The following MYO5A variants were observed in gnomAD, a reference collection of about 807,000 sequenced individuals.
The protein encoded by MYO5A is myosin VA, also known as unconventional myosin-Va.
Under a neutral mutation model 249.7 loss-of-function variants are expected in MYO5A, and 98 were observed. The observed-to-expected ratio is 0.39, with a 90% CI of 0.33 to 0.46. The LOEUF (loss-of-function observed/expected upper bound fraction) is 0.46, where lower values mean the gene tolerates loss of function less well. Among genes scored for constraint, MYO5A ranks in the 20% least tolerant of loss-of-function variants. The pLI is 0.98. For missense variants in MYO5A, 1,696 were observed against 2,308.8 expected, an observed-to-expected ratio of 0.73 and a Z score of 5.44; for synonymous variants, 778 against 810.6, an observed-to-expected ratio of 0.96 and a Z score of 0.68.
In MYO5A at chr15:52,448,957, C is replaced by CTTTTTTTTTTTTTTT. The variant is rs145765339; in HGVS notation, c.28-15687_28-15673dup. Reference sequence around the variant, plus strand: ...TTTTTTTTTTTCTTTTCTTGTCTTTCTTTTTTTTTTTTTTTTTTTTTTTTT... The same window carrying CTTTTTTTTTTTTTTT: ...TTTTTTTTTTTCTTTTCTTGTCTTTCTTTTTTTTTTTTTTTTTTTTTTTTTTTTTTTTTTTTTTTT... On this transcript the variant is annotated intron_variant, in intron 1 of 41. Transcript: ENST00000399233. Among the ~76,000 whole-genome samples, 50 of 55,582 alleles carry CTTTTTTTTTTTTTTT rather than the reference C, an allele frequency of 9.0e-4. 3 individuals carry two copies. Among genetic ancestry groups the CTTTTTTTTTTTTTTT allele is most frequent in the East Asian group, 3.6e-3 (6 of 1,648 alleles). 36.5% of individuals were successfully genotyped at this position (55,582 alleles called of 152,430 possible).
chr15:52,483,123 C>A (rs2076748283), intron 1 of MYO5A, among the ~76,000 whole-genome samples: 1 of 152,174 alleles, frequency 6.6e-6, no homozygotes, highest in South Asian at 2.1e-4. Flanking sequence ...GGGGTCAGAA[C>A]TGTCAATGTG....
At chr15:52,483,394 G>A (rs2076753740) in intron 1 of MYO5A, among the ~76,000 whole-genome samples, 1 of 152,052 alleles carries the variant, frequency 6.6e-6, no homozygotes, top group Non-Finnish European at 1.5e-5. Context: ...CCCTTTGAAG[G>A]GACCGTGAGT....
intron 3 of MYO5A, among the ~76,000 whole-genome samples, chr15:52,426,737 G>T (rs141524785): frequency 1.3e-5 from 2 of 152,216 alleles, no homozygotes; most frequent in Admixed American, 1.3e-4. Context: ...TGGGATTACA[G>T]GGTAAGCCAC....
chr15:52,314,253 C>CT, intron 40 of MYO5A, 50 bp from the exon 41 acceptor site: 1 of 1,288,190 alleles, frequency 7.8e-7, no homozygotes, highest in Non-Finnish European at 1.1e-6. Flanking sequence ...CAAATACACA[C>CT]TGGGTACCTA....
Position 52,321,460 on chromosome 15 carries a change from T to A in MYO5A, c.4850A>T (p.Asn1617Ile). 6.2e-7 allele frequency: 1 copy of A among 1,614,182 alleles called. No individual in the cohort carries two copies. Among genetic ancestry groups the A allele is most frequent in the Non-Finnish European group, 8.5e-7 (1 of 1,180,030 alleles). ...TSRQNEHCLT[N>I]FDLAEYRQVL... Reference sequence around the variant, plus strand: ...CTGCCGATACTCAGCCAGGTCAAAATTGGTGAGGCAGTGTTCATTCTGGCG... The same window carrying A: ...CTGCCGATACTCAGCCAGGTCAAAAATGGTGAGGCAGTGTTCATTCTGGCG... The change falls in exon 38 of 42, where the codon AAT becomes ATT. Residue 1617 changes from asparagine (N) to isoleucine (I), a missense_variant. Around this residue, in one of 5 missense-constraint regions of MYO5A, gnomAD observed 625 missense variants for 908.1 expected, o/e 0.69. Transcript: ENST00000399233.
intron 1 of MYO5A, among the ~76,000 whole-genome samples, chr15:52,521,086 G>A (rs2077608388): frequency 6.6e-6 from 1 of 152,132 alleles, no homozygotes; most frequent in Non-Finnish European, 1.5e-5. Context: ...AAATTAGCCA[G>A]GGGTGGTGGC....
intron 1 of MYO5A, among the ~76,000 whole-genome samples, chr15:52,506,133 C>T (rs573177177): frequency 5.9e-5 from 9 of 152,166 alleles, no homozygotes; most frequent in African/African-American, 2.2e-4. Context: ...AGGCAGATCA[C>T]GAGGTCAGGA....
chr15:52,315,326 G>A (rs2037945587), intron 40 of MYO5A, among the ~76,000 whole-genome samples: 3 of 152,006 alleles, frequency 2.0e-5, no homozygotes, highest in Non-Finnish European at 4.4e-5. Flanking sequence ...TTTATTCTTA[G>A]TAAGAAGTTA....
rs2043476537 is a variant in MYO5A, at chr15:52,416,230, G to A, written c.527C>T (p.Ala176Val). Reference sequence around the variant, plus strand: ...ACTCACAGTTGCAAAGTATCGCATGGCATACTTAGCTGAGACTGTTTTTCC... The same window carrying A: ...ACTCACAGTTGCAAAGTATCGCATGACATACTTAGCTGAGACTGTTTTTCC... Reference protein sequence around the residue: ...GAGKTVSAKYAMRYFATVSGS... With the variant: ...GAGKTVSAKYVMRYFATVSGS... Residue 176 changes from alanine (A) to valine (V), a missense_variant, in exon 5 of 42, where the codon GCC (alanine) becomes GTC (valine). Physicochemically the swap from Ala to Val is moderately conservative, Grantham distance 64 (BLOSUM62 0). Transcript: ENST00000399233. 1 of 1,613,724 alleles carries A rather than the reference G, an allele frequency of 6.2e-7. No homozygotes were observed. The highest frequency in any genetic ancestry group is 8.5e-7 in the Non-Finnish European group (1 of 1,179,808).
At chr15:52,349,354 A>C (rs981231806) in intron 28 of MYO5A, among the ~76,000 whole-genome samples, 1 of 152,090 alleles carries the variant, frequency 6.6e-6, no homozygotes, top group African/African-American at 2.4e-5. Flanking sequence ...CTAGAAACTG[A>C]GTGAGACAAA....
intron 1 of MYO5A, among the ~76,000 whole-genome samples, chr15:52,454,892 T>C (rs186518513): frequency 5.7e-4 from 87 of 151,744 alleles, no homozygotes; most frequent in African/African-American, 1.9e-3. Context: ...AAATGAACAA[T>C]CTAATAATGG....
intron 1 of MYO5A, among the ~76,000 whole-genome samples, chr15:52,469,525 T>C (rs1040120400): frequency 1.3e-5 from 2 of 152,104 alleles, no homozygotes; most frequent in Non-Finnish European, 2.9e-5. Flanking sequence ...GCCTCAGGGA[T>C]GACAGAGGCA....
At chr15:52,393,582 A>T (rs2042354406) in intron 11 of MYO5A, among the ~76,000 whole-genome samples, 1 of 151,972 alleles carries the variant, frequency 6.6e-6, no homozygotes, top group Non-Finnish European at 1.5e-5. Flanking sequence ...TTTAGTAGAG[A>T]CGGGGTTTCA....
At chr15:52,411,214 T>C (rs1125460) in intron 5 of MYO5A, among the ~76,000 whole-genome samples, 73,391 of 152,102 alleles carry the variant, frequency 0.48, 21,013 homozygotes, top group Non-Finnish European at 0.63. Flanking sequence ...CCAATGAATA[T>C]TTCCTGGAAA....
chr15:52,350,285 C>A (rs972396497), intron 28 of MYO5A, among the ~76,000 whole-genome samples: 8 of 152,206 alleles, frequency 5.3e-5, no homozygotes, highest in Non-Finnish European at 1.0e-4. Flanking sequence ...TCCACTATTA[C>A]AGGAATTTTA....
intron 1 of MYO5A, among the ~76,000 whole-genome samples, chr15:52,478,401 TG>T (rs1326390541): frequency 6.6e-6 from 1 of 152,148 alleles, no homozygotes; most frequent in Non-Finnish European, 1.5e-5. Context: ...TCATGCTCCG[TG>T]GGCTGTACCC....
intron 4 of MYO5A, among the ~76,000 whole-genome samples, chr15:52,418,629 G>A (rs933723452): frequency 2.6e-5 from 4 of 152,012 alleles, no homozygotes; most frequent in Admixed American, 2.6e-4. Context: ...ATGATCATTA[G>A]GAGAAAACCA....
At chr15:52,473,775 T>C (rs2076530539) in intron 1 of MYO5A, among the ~76,000 whole-genome samples, 2 of 152,230 alleles carry the variant, frequency 1.3e-5, no homozygotes, top group South Asian at 2.1e-4. Context: ...ACCAGTACCA[T>C]GCTGTTTTGG....
chr15:52,469,891 G>A (rs547037567), intron 1 of MYO5A, among the ~76,000 whole-genome samples: 1 of 152,248 alleles, frequency 6.6e-6, no homozygotes, highest in East Asian at 1.9e-4. Flanking sequence ...TTGGTGTAGT[G>A]TCTATTTGCT....
Sources: allele counts gnomAD v4.1 joint callset (sites outside exome capture counted in the v4.1 genomes callset), GRCh38; gene constraint gnomAD v4.1.1; regional missense constraint gnomAD v4.1.1; transcripts MANE v1.5; gene names NCBI Gene and HGNC (gene_info 2026-07-23, HGNC 2026-07-21).